Variants in CUBN observed in about 807,000 individuals in gnomAD.
CUBN encodes 460 kDa receptor.
CUBN carries 282 observed loss-of-function variants against 405.3 expected under a neutral mutation model. That is an observed-to-expected ratio of 0.70 (90% CI 0.63 to 0.77). The LOEUF (loss-of-function observed/expected upper bound fraction) is 0.77, where lower values mean the gene tolerates loss of function less well. Ranked by LOEUF, CUBN falls within the 30% of genes least tolerant of loss-of-function variation. CUBN has a pLI of 0.00. For synonymous variants in CUBN, 1,684 were observed against 1,617.0 expected (o/e 1.04, Z -0.99); for missense variants, 4,514 against 4,475.2 (o/e 1.01, Z -0.25).
chr10:17,062,721 G>A (rs552578467), intron 22 of CUBN, among the ~76,000 whole-genome samples: 11 of 152,314 alleles, frequency 7.2e-5, no homozygotes, highest in African/African-American at 2.2e-4. Flanking sequence ...AAAAGTATCT[G>A]AACTCAAATC....
At chr10:16,832,563 G>A (rs1245885878) in intron 64 of CUBN, among the ~76,000 whole-genome samples, 2 of 152,150 alleles carry the variant, frequency 1.3e-5, no homozygotes, top group Non-Finnish European at 2.9e-5. Flanking sequence ...CCAGCACCAC[G>A]CTTTTGAGTT....
chr10:16,987,389 A>T (rs1256335439), intron 29 of CUBN, among the ~76,000 whole-genome samples: 1 of 152,260 alleles, frequency 6.6e-6, no homozygotes, highest in African/African-American at 2.4e-5. Flanking sequence ...GCAAATGCTC[A>T]GGATGGAGGA....
Position 16,916,010 on chromosome 10 carries a change from G to A in CUBN, c.7021C>T (p.Pro2341Ser), listed in dbSNP as rs777147562. 4.3e-6 allele frequency: 7 copies of A among 1,613,808 alleles called. No individual in the cohort carries two copies. The highest frequency in any genetic ancestry group is 5.9e-6 in the Non-Finnish European group (7 of 1,179,936). ...CTTTCAACAACACCACTTTGCCCTG[G>A]TACTCTTCCCCCACACTGAGCTGCA... ...YSIAQCGGRV[P>S]GQSGVVESIG... Residue 2341 changes from proline to serine, a missense_variant, in exon 46 of 67, where the codon CCA becomes TCA. By Grantham distance (74) the Pro-to-Ser change is moderately conservative (BLOSUM62 -1). Transcript: ENST00000377833.
At chr10:16,914,430 G>A (rs1464010353) in intron 47 of CUBN, among the ~76,000 whole-genome samples, 2 of 152,052 alleles carry the variant, frequency 1.3e-5, no homozygotes, top group African/African-American at 4.8e-5. Context: ...GTCGTGGCGT[G>A]CGCCTGTAAT....
chr10:17,005,335 G>C (rs548265912), intron 28 of CUBN, among the ~76,000 whole-genome samples: 3 of 152,188 alleles, frequency 2.0e-5, no homozygotes, highest in Admixed American at 1.3e-4. Flanking sequence ...AATACCACAA[G>C]TATATTGCAT....
At chr10:17,106,164 A>G (rs1408822999) in intron 10 of CUBN, among the ~76,000 whole-genome samples, 1 of 151,868 alleles carries the variant, frequency 6.6e-6, no homozygotes, top group Non-Finnish European at 1.5e-5. Context: ...ACACGCCTGT[A>G]ATCCCAGCTA....
At chr10:16,961,376 T>A (rs930248681) in intron 31 of CUBN, among the ~76,000 whole-genome samples, 11 of 152,200 alleles carry the variant, frequency 7.2e-5, no homozygotes, top group Admixed American at 4.6e-4. Flanking sequence ...TTAATTTTCA[T>A]ACCTGATGCT....
intron 22 of CUBN, among the ~76,000 whole-genome samples, chr10:17,049,045 CA>C (rs1835201148): frequency 1.3e-5 from 2 of 152,088 alleles, no homozygotes; most frequent in Non-Finnish European, 2.9e-5. Context: ...TGTTTAACTC[CA>C]AAAGTATAGA....
intron 56 of CUBN, among the ~76,000 whole-genome samples, chr10:16,882,679 T>C (rs185103373): frequency 9.2e-5 from 14 of 152,300 alleles, no homozygotes; most frequent in Non-Finnish European, 1.5e-4. Flanking sequence ...TTGGGATATT[T>C]CCATGTTGTA....
At chr10:16,906,854 A>T (rs1325133648) in intron 49 of CUBN, among the ~76,000 whole-genome samples, 1 of 152,238 alleles carries the variant, frequency 6.6e-6, no homozygotes, top group African/African-American at 2.4e-5. Context: ...ATAAAGGAAC[A>T]GATGCTTCTT....
Position 16,888,453 on chromosome 10 carries a change from C to T in CUBN, c.8869G>A (p.Val2957Met). 1 of 1,613,406 alleles carries T rather than the reference C, an allele frequency of 6.2e-7. No individual in the cohort carries two copies. The highest frequency in any genetic ancestry group is 8.5e-7 in the Non-Finnish European group (1 of 1,179,428). ...AAGGACACAAAAGTCAAGAGGACCACTGACAGAGGATTAGCCTCTATGACA... is the reference window on the plus strand; with the variant it reads ...AAGGACACAAAAGTCAAGAGGACCATTGACAGAGGATTAGCCTCTATGACA... ...TYVIEANPLSVVLLTFVSFHL... is the reference protein window; with the variant it reads ...TYVIEANPLSMVLLTFVSFHL... The change falls in exon 56 of 67, where the codon GTG becomes ATG. Residue 2957 changes from valine to methionine, a missense_variant. Physicochemically the swap from Val to Met is conservative, Grantham distance 21 (BLOSUM62 1). This residue lies in a region of CUBN where 1,186 missense variants were observed against 1,186.9 expected (regional missense o/e 1.00). Coordinates refer to ENST00000377833, the MANE Select transcript of CUBN (RefSeq NM_001081.4).
chr10:16,824,929 C>T lies in CUBN; in HGVS notation c.*46G>A, dbSNP rs761266434. 4 of 1,330,928 alleles carry T rather than the reference C, an allele frequency of 3.0e-6. No homozygotes were observed. The highest frequency in any genetic ancestry group is 2.9e-5 in the African/African-American group (2 of 69,468). The allele number at this position is 1,330,928 out of a possible 1,614,324, so 82.4% of individuals were successfully genotyped here. ...ATCAGGATGGCAGAGTGCTGTCCAG[C>T]GTGCTGCAGAGGGAAAGTGCTGAGT... On this transcript the variant is annotated 3_prime_UTR_variant, in exon 67 of 67. Coordinates refer to ENST00000377833, the MANE Select transcript of CUBN (RefSeq NM_001081.4).
chr10:17,000,542 C>A (rs1167761282), intron 28 of CUBN, among the ~76,000 whole-genome samples: 1 of 152,206 alleles, frequency 6.6e-6, no homozygotes, highest in Non-Finnish European at 1.5e-5. Flanking sequence ...AGATTGCACA[C>A]ATCTTTTTAA....
intron 36 of CUBN, among the ~76,000 whole-genome samples, chr10:16,943,160 T>C (rs7897704): frequency 0.34 from 51,858 of 151,966 alleles, 11,487 homozygotes; most frequent in African/African-American, 0.62. Context: ...GTGAAGTAAC[T>C]GGTCAGCTCT....
At chr10:16,906,457 A>G in intron 49 of CUBN, 48 bp from the exon 50 acceptor site, 1 of 1,286,450 alleles carries the variant, frequency 7.8e-7, no homozygotes, top group African/African-American at 1.5e-5. Context: ...GATTCAGGCC[A>G]CAACGGAAGA....
At chr10:16,850,192 C>G (rs746683253) in intron 60 of CUBN, among the ~76,000 whole-genome samples, 1 of 152,194 alleles carries the variant, frequency 6.6e-6, no homozygotes, top group Admixed American at 6.5e-5. Context: ...TGCTTCAAGC[C>G]TGCATCGAAT....
In CUBN at chr10:16,901,935, A is replaced by C. The variant is rs189690002; in HGVS notation, c.8063-476T>G. The stretch of plus-strand genomic sequence containing the variant: ...TATATATATACACACACACACACAC[A>C]CCATATATAGTATATATATATATAC... On this transcript the variant is annotated intron_variant, in intron 51 of 66. Coordinates refer to ENST00000377833, the MANE Select transcript of CUBN (RefSeq NM_001081.4). Among the ~76,000 whole-genome samples, 1,269 of 137,272 alleles carry C rather than the reference A, an allele frequency of 9.2e-3. 21 individuals are homozygous for C. The highest frequency in any genetic ancestry group is 0.033 in the African/African-American group (1,200 of 35,898). The allele number at this position is 137,272 out of a possible 152,430, so 90.1% of individuals were successfully genotyped here. A position where few individuals can be genotyped will look rare whatever the true frequency, so the allele number is the denominator to read the frequency against.
intron 22 of CUBN, among the ~76,000 whole-genome samples, chr10:17,049,155 G>T (rs1835204018): frequency 6.6e-6 from 1 of 152,192 alleles, no homozygotes; most frequent in Non-Finnish European, 1.5e-5. Context: ...CAACAGGAAA[G>T]GCAGAAAAGA....
At chr10:16,959,373 T>TA (rs1290741294) in intron 31 of CUBN, among the ~76,000 whole-genome samples, 6 of 152,196 alleles carry the variant, frequency 3.9e-5, no homozygotes, top group Admixed American at 6.5e-5. Flanking sequence ...TTCACGCCTG[T>TA]AATCCCAGAC....
Sources: gnomAD v4.1 joint callset for allele counts (sites outside exome capture counted in the v4.1 genomes callset) on GRCh38, gnomAD v4.1.1 for gene constraint, gnomAD v4.1.1 regional missense constraint, MANE v1.5 for transcripts, NCBI Gene and HGNC (gene_info 2026-07-23, HGNC 2026-07-21) for gene names.